Variants in TYRO3 observed in about 807,000 individuals in gnomAD.
The protein encoded by TYRO3 is tyrosine-protein kinase receptor TYRO3.
In TYRO3, 38 loss-of-function variants were observed where a neutral mutation model predicts 95.2. The ratio of observed to expected loss-of-function variants is 0.40; its 90% CI spans 0.31 to 0.52. TYRO3 has a LOEUF of 0.52. Ranked by LOEUF, TYRO3 falls within the 20% of genes least tolerant of loss-of-function variation. The pLI is 0.56. For synonymous variants in TYRO3, 367 were observed against 432.9 expected (o/e 0.85, Z 1.89); for missense variants, 812 against 1,116.4 (o/e 0.73, Z 3.89).
chr15:41,572,613 G>C, intron 15 of TYRO3, 49 bp downstream of exon 15: 2 of 1,611,330 alleles, frequency 1.2e-6, no homozygotes, highest in Non-Finnish European at 1.7e-6. Context: ...TGGGAACACA[G>C]GGCCTGGAAA....
chr15:41,573,209 A>G (rs906785108), intron 16 of TYRO3, 98 bp downstream of exon 16: 35 of 1,405,010 alleles, frequency 2.5e-5, no homozygotes, highest in Non-Finnish European at 3.4e-5. Context: ...TCTGCTATGC[A>G]TGGGGGTAGC....
intron 12 of TYRO3, 34 bp from the exon 13 acceptor site, chr15:41,571,004 A>G: frequency 6.3e-7 from 1 of 1,589,072 alleles, no homozygotes; most frequent in Non-Finnish European, 8.6e-7. Flanking sequence ...GCAGAGAGCC[A>G]AGGAGACTCT....
chr15:41,563,270 C>T (rs1250102921), intron 4 of TYRO3, among the ~76,000 whole-genome samples: 1 of 152,192 alleles, frequency 6.6e-6, no homozygotes, highest in Non-Finnish European at 1.5e-5. Context: ...GTCACACCTG[C>T]ACACCCACCT....
At chr15:41,571,199 T>G in intron 13 of TYRO3, 81 bp downstream of exon 13, 1 of 1,377,464 alleles carries the variant, frequency 7.3e-7, no homozygotes, top group Non-Finnish European at 1.0e-6. Context: ...GGCTCTGCTT[T>G]GCCCCTAGAT....
chr15:41,559,688 C>A (rs1257986987), intron 1 of TYRO3, among the ~76,000 whole-genome samples: 1 of 152,214 alleles, frequency 6.6e-6, no homozygotes, highest in African/African-American at 2.4e-5. Flanking sequence ...ATGTTCCCAG[C>A]TGTTAGCTCC....
Position 41,578,231 on chromosome 15 carries a change from G to A in TYRO3, c.2628G>A (p.Arg876=), listed in dbSNP as rs780739033. 1 of 1,613,622 alleles carries A rather than the reference G, an allele frequency of 6.2e-7. No individual in the cohort carries two copies. Among genetic ancestry groups the A allele is most frequent in the East Asian group, 2.2e-5 (1 of 44,886 alleles). Residue 876 remains arginine, a synonymous_variant, in exon 19 of 19, where the codon AGG becomes AGA. Transcript: ENST00000263798. ...QPESPLNETQ[R]LLLLQQGLLP... is the part of the protein sequence containing the mutation. ...AGAGTCCCCTCAATGAGACACAGAG[G>A]CTTTTGCTGCTGCAGCAAGGGCTAC...
intron 18 of TYRO3, among the ~76,000 whole-genome samples, chr15:41,576,334 C>G (rs969316464): frequency 6.6e-6 from 1 of 151,814 alleles, no homozygotes; most frequent in East Asian, 2.0e-4. Context: ...GCTGGGATTA[C>G]AGGCATGCAC....
At chr15:41,563,238 T>C (rs1027384061) in intron 4 of TYRO3, among the ~76,000 whole-genome samples, 2 of 152,188 alleles carry the variant, frequency 1.3e-5, no homozygotes, top group African/African-American at 4.8e-5. Flanking sequence ...CAAACAACTG[T>C]GTCTGTCCAT....
chr15:41,562,532 TC>T lies in TYRO3; in HGVS notation c.410-12del. ...AGAGGTGGCAGGGCTCACTCCTCACTCCCCTTCTCTCCTAGGTGTGCCATTT... is the reference window on the plus strand; with the variant it reads ...AGAGGTGGCAGGGCTCACTCCTCACTCCCTTCTCTCCTAGGTGTGCCATTT... On this transcript the variant is annotated splice_polypyrimidine_tract_variant and intron_variant, in intron 3 of 18. Transcript: ENST00000263798. 1 of 1,611,444 alleles carries T rather than the reference TC, an allele frequency of 6.2e-7. No individual in the cohort carries two copies. The highest frequency in any genetic ancestry group is 8.5e-7 in the Non-Finnish European group (1 of 1,179,546).
chr15:41,569,147 G>A, intron 9 of TYRO3, 125 bp downstream of exon 9: 2 of 1,182,658 alleles, frequency 1.7e-6, no homozygotes, highest in East Asian at 2.4e-5. Flanking sequence ...GAGTGAAGAA[G>A]TTGAGGCCAG....
intron 15 of TYRO3, 102 bp downstream of exon 15, chr15:41,572,666 G>T: frequency 6.6e-7 from 1 of 1,506,782 alleles, no homozygotes; most frequent in Non-Finnish European, 9.0e-7. Context: ...GGGTAGGGCT[G>T]ATGGAGCTGG....
chr15:41,567,798 A>G (rs1353939191), intron 7 of TYRO3, among the ~76,000 whole-genome samples: 1 of 152,242 alleles, frequency 6.6e-6, no homozygotes, highest in Non-Finnish European at 1.5e-5. Flanking sequence ...GGTCTGAAGG[A>G]TAAAGATCTG....
chr15:41,563,312 C>A (rs1333218563), intron 4 of TYRO3, among the ~76,000 whole-genome samples: 3 of 152,210 alleles, frequency 2.0e-5, no homozygotes, highest in Admixed American at 2.0e-4. Context: ...CATACCCTCA[C>A]ATGCTTGTAA....
chr15:41,569,017 G>A lies in TYRO3; in HGVS notation c.1247G>A (p.Arg416His), dbSNP rs375955494. The stretch of plus-strand genomic sequence containing the variant: ...CCACTGGTGGTCTCTTCTCATGACC[G>A]TGCAGGTGAGGCTTGTAGGTGGAGA... ...SQPLVVSSHD[R>H]AGQQGPPHSR... The change falls in exon 9 of 19, where the codon CGT becomes CAT. Residue 416 changes from arginine to histidine, a missense_variant. Physicochemically the swap from Arg to His is conservative, Grantham distance 29 (BLOSUM62 0). Coordinates refer to ENST00000263798, the MANE Select transcript of TYRO3 (RefSeq NM_006293.4). 30 of 1,613,790 alleles carry A rather than the reference G, an allele frequency of 1.9e-5. No homozygotes were observed. Among genetic ancestry groups the A allele is most frequent in the Non-Finnish European group, 2.3e-5 (27 of 1,180,024 alleles).
chr15:41,573,383 T>C lies in TYRO3; in HGVS notation c.2061T>C (p.Arg687=). The C allele has an allele frequency of 6.2e-7, 1 of 1,614,236 alleles. No individual in the cohort carries two copies. Among genetic ancestry groups the C allele is most frequent in the Non-Finnish European group, 8.5e-7 (1 of 1,180,044 alleles). ...AGATCTACAGTGGGGACTACTATCG[T>C]CAAGGCTGTGCCTCCAAACTGCCTG... is the stretch of plus-strand genomic sequence containing the variant. ...SRKIYSGDYY[R]QGCASKLPVK... Residue 687 remains arginine, a synonymous_variant, in exon 17 of 19, where the codon CGT becomes CGC. Coordinates refer to ENST00000263798, the MANE Select transcript of TYRO3 (RefSeq NM_006293.4).
rs1185650942 is a variant in TYRO3 at position 41,573,674 on chromosome 15, C to G, written c.2146-5C>G. 9.3e-7 allele frequency: 1 copy of G among 1,069,880 alleles called. No individual in the cohort carries two copies. Among genetic ancestry groups the G allele is most frequent in the African/African-American group, 1.6e-5 (1 of 62,620 alleles). The allele number at this position is 1,069,880 out of a possible 1,614,324, so 66.3% of individuals were successfully genotyped here. On this transcript the variant is annotated splice_polypyrimidine_tract_variant and splice_region_variant and intron_variant, in intron 17 of 18. Transcript: ENST00000263798. ...GCTTCTCCCCCAACCTCGATTCTGT[C>G]CCAGTGGGCGTTCGGGGTGACCATG...
chr15:41,568,092 G>T, intron 7 of TYRO3, 125 bp from the exon 8 acceptor site: 1 of 1,336,810 alleles, frequency 7.5e-7, no homozygotes. Flanking sequence ...GCTGGGAGGT[G>T]AACCCTTCCC....
At position 41,579,785 on chromosome 15, in the gene TYRO3, TCTCA is replaced by T. The variant is rs934293797; in HGVS notation, c.*1513_*1516del. On this transcript the variant is annotated 3_prime_UTR_variant, in exon 19 of 19. Coordinates refer to ENST00000263798, the MANE Select transcript of TYRO3 (RefSeq NM_006293.4). Reference sequence around the variant, plus strand: ...TTTTTTTTTTTTTTTTGAGACCGAGTCTCACTCTGTCGCCCAGGCTGGAGTGCAA... The same window carrying T: ...TTTTTTTTTTTTTTTTGAGACCGAGTCTCTGTCGCCCAGGCTGGAGTGCAA... The T allele has an allele frequency of 2.0e-5, 3 of 148,144 alleles. No individual in the cohort carries two copies. The highest frequency in any genetic ancestry group is 3.0e-5 in the Non-Finnish European group (2 of 67,204). The allele number at this position is 148,144 out of a possible 1,614,324, so 9.2% of individuals were successfully genotyped here. A position where few individuals can be genotyped will look rare whatever the true frequency, so the allele number is the denominator to read the frequency against.
At chr15:41,562,203 G>T (rs1566898136) in intron 3 of TYRO3, 3 of 209,272 alleles carry the variant, frequency 1.4e-5, no homozygotes, top group Admixed American at 5.5e-5. Flanking sequence ...TGTGTCTAAG[G>T]TGCCAGGCAT....
Sources: allele counts gnomAD v4.1 joint callset (sites outside exome capture counted in the v4.1 genomes callset), GRCh38; gene constraint gnomAD v4.1.1; transcripts MANE v1.5; gene names NCBI Gene and HGNC (gene_info 2026-07-23, HGNC 2026-07-21).